PCDH15: variants seen among roughly 807,000 people sequenced by gnomAD.
PCDH15 encodes protocadherin-15.
A neutral mutation model predicts 178.5 loss-of-function variants in PCDH15; 129 were observed. That is an observed-to-expected ratio of 0.72 (90% CI 0.63 to 0.84). The LOEUF is 0.84. PCDH15 is among the 40% of genes least tolerant of loss of function. The pLI, the probability that PCDH15 is intolerant of heterozygous loss-of-function variation, is 0.00. For missense variants in PCDH15, 2,230 were observed against 2,099.9 expected, an observed-to-expected ratio of 1.06 and a Z score of -1.21; for synonymous variants, 800 against 732.0, an observed-to-expected ratio of 1.09 and a Z score of -1.50.
At chr10:53,839,177 T>G (rs1425011820) in intron 29 of PCDH15, among the ~76,000 whole-genome samples, 3 of 114,602 alleles carry the variant, frequency 2.6e-5, no homozygotes, top group Non-Finnish European at 4.8e-5. Context: ...CACTCCAGCC[T>G]GGGGCACAGA....
intron 5 of PCDH15, among the ~76,000 whole-genome samples, chr10:54,358,303 TCAAA>T (rs1945385986): frequency 6.6e-6 from 1 of 151,420 alleles, no homozygotes; most frequent in Non-Finnish European, 1.5e-5. Flanking sequence ...TACAATGAAC[TCAAA>T]CAAATTTACA....
chr10:53,811,114 T>C (rs1329822446), intron 36 of PCDH15, among the ~76,000 whole-genome samples: 1 of 152,196 alleles, frequency 6.6e-6, no homozygotes, highest in Non-Finnish European at 1.5e-5. Context: ...GTGGTTAATT[T>C]ATATGTGTAC....
At chr10:55,058,503 C>T (rs1841359741) in intron 2 of PCDH15, among the ~76,000 whole-genome samples, 1 of 152,168 alleles carries the variant, frequency 6.6e-6, no homozygotes, top group African/African-American at 2.4e-5. Flanking sequence ...GCCACCATAC[C>T]TGGCCTATTT....
Position 55,435,776 on chromosome 10 carries a change from A to T in PCDH15, c.-156+191849T>A, listed in dbSNP as rs565735006. On this transcript the variant is annotated intron_variant, in intron 2 of 5. Coordinates refer to the PCDH15 transcript ENST00000613346. Reference sequence around the variant, plus strand: ...TTATAACTGTCGTAAAAAGCCATAGATAGTACATTGGCAGAGAAGTTACAT... The same window carrying T: ...TTATAACTGTCGTAAAAAGCCATAGTTAGTACATTGGCAGAGAAGTTACAT... Among the ~76,000 whole-genome samples the T allele has an allele frequency of 1.1e-4, 16 of 152,304 alleles. No individual in the cohort carries two copies. In the South Asian group the frequency reaches 3.3e-3, roughly 32 times the overall value.
intron 14 of PCDH15, among the ~76,000 whole-genome samples, chr10:54,147,826 A>C: frequency 6.6e-6 from 1 of 152,126 alleles, no homozygotes; most frequent in South Asian, 2.1e-4. Flanking sequence ...CAGTAACTAC[A>C]AAGATTATAG....
At chr10:54,345,676 T>C (rs1943119195) in intron 6 of PCDH15, among the ~76,000 whole-genome samples, 1 of 151,548 alleles carries the variant, frequency 6.6e-6, no homozygotes, top group African/African-American at 2.4e-5. Context: ...GGTCAGGAGA[T>C]TGAGACCATC....
chr10:55,146,001 A>G (rs2440733), intron 2 of PCDH15, among the ~76,000 whole-genome samples: 136,980 of 151,832 alleles, frequency 0.9, 62,468 homozygotes, highest in Non-Finnish European at 0.97. Flanking sequence ...ATATCTTTCC[A>G]ATTTCACTTA....
intron 10 of PCDH15, among the ~76,000 whole-genome samples, chr10:54,197,194 C>CT (rs961137185): frequency 7.0e-6 from 1 of 142,110 alleles, no homozygotes; most frequent in African/African-American, 3.0e-5. Flanking sequence ...TATAAATTTT[C>CT]TTTTTTTTCT....
rs116246331 is a variant in PCDH15, at chr10:55,355,332, C to T, written c.-155-188681G>A. Among the ~76,000 whole-genome samples the T allele has an allele frequency of 5.7e-3, 874 of 152,030 alleles. 10 individuals carry two copies. The highest frequency in any genetic ancestry group is 0.02 in the African/African-American group (813 of 41,530). On this transcript the variant is annotated intron_variant, in intron 2 of 5. Coordinates refer to the PCDH15 transcript ENST00000613346. ...ACATTTAACTTTATAAGAAAGTGAT[C>T]GAGTGTTTTCCAGCGTCCCACCAGC...
rs1591973248 is a variant in PCDH15, at chr10:55,184,714, G to C, written c.-155-18063C>G. 3.9e-5 allele frequency among the ~76,000 whole-genome samples: 6 copies of C among 151,962 alleles called. 1 individual carries two copies. Among genetic ancestry groups the C allele is most frequent in the Admixed American group, 3.9e-4 (6 of 15,224 alleles). On this transcript the variant is annotated intron_variant, in intron 1 of 5. Coordinates refer to the PCDH15 transcript ENST00000458638. ...TAGAGGGTATATTTTCATAGCATTT[G>C]GGAAGCATGATATTTTATTTAAATC... is the stretch of plus-strand genomic sequence containing the variant.
intron 5 of PCDH15, among the ~76,000 whole-genome samples, chr10:54,352,473 T>C (rs1002755217): frequency 6.6e-6 from 1 of 152,162 alleles, no homozygotes; most frequent in African/African-American, 2.4e-5. Context: ...TCCAAGTTTT[T>C]TGTTTTCTCC....
intron 3 of PCDH15, among the ~76,000 whole-genome samples, chr10:54,896,410 T>A (rs2131821065): frequency 6.6e-6 from 1 of 152,182 alleles, no homozygotes; most frequent in East Asian, 1.9e-4. Flanking sequence ...TTTCTGAAAG[T>A]TCTGGTGAGA....
intron 1 of PCDH15, among the ~76,000 whole-genome samples, chr10:55,207,928 C>T (rs1165342887): frequency 6.6e-6 from 1 of 152,086 alleles, no homozygotes; most frequent in Non-Finnish European, 1.5e-5. Flanking sequence ...GAGGCTGCAC[C>T]ACTGTACTCC....
intron 3 of PCDH15, among the ~76,000 whole-genome samples, chr10:54,864,179 T>A (rs1380517161): frequency 3.9e-5 from 6 of 152,174 alleles, no homozygotes; most frequent in Admixed American, 1.3e-4. Context: ...TTGGCATATA[T>A]GGTGTAAACA....
chr10:54,661,244 A>G (rs1430876002), intron 2 of PCDH15, among the ~76,000 whole-genome samples: 1 of 152,064 alleles, frequency 6.6e-6, no homozygotes, highest in Non-Finnish European at 1.5e-5. Flanking sequence ...ATTTACATAG[A>G]TCGACAACAC....
At chr10:54,091,918 A>G (rs1466871397) in intron 15 of PCDH15, among the ~76,000 whole-genome samples, 1 of 152,118 alleles carries the variant, frequency 6.6e-6, no homozygotes, top group Non-Finnish European at 1.5e-5. Flanking sequence ...GAAGACGGTC[A>G]TATCTCTAGG....
intron 2 of PCDH15, among the ~76,000 whole-genome samples, chr10:54,966,098 A>G (rs1476517825): frequency 1.3e-5 from 2 of 152,010 alleles, no homozygotes; most frequent in African/African-American, 4.8e-5. Context: ...TTCTATAGGA[A>G]CATGGTCAAC....
intron 2 of PCDH15, among the ~76,000 whole-genome samples, chr10:54,618,840 A>C (rs894127685): frequency 2.6e-5 from 4 of 152,070 alleles, no homozygotes; most frequent in African/African-American, 9.7e-5. Context: ...AAAATATATG[A>C]AGACACACAG....
chr10:54,179,249 A>G (rs1468769147), intron 13 of PCDH15, among the ~76,000 whole-genome samples: 2 of 152,000 alleles, frequency 1.3e-5, no homozygotes, highest in East Asian at 3.9e-4. Context: ...TAAAAAAAGG[A>G]TAAGTTCATG....
Sources: gnomAD v4.1 joint callset for allele counts (sites outside exome capture counted in the v4.1 genomes callset) on GRCh38, gnomAD v4.1.1 for gene constraint, MANE v1.5 for transcripts, NCBI Gene and HGNC (gene_info 2026-07-23, HGNC 2026-07-21) for gene names.